Variants in PPFIA2 observed in about 807,000 individuals in gnomAD.
PPFIA2 encodes the protein PPFI scaffold protein A2.
In PPFIA2, 46 loss-of-function variants were observed where a neutral mutation model predicts 175.5. That is an observed-to-expected ratio of 0.26 (90% CI 0.21 to 0.34). The LOEUF (loss-of-function observed/expected upper bound fraction) is 0.34, where lower values mean the gene tolerates loss of function less well. Ranked by LOEUF, PPFIA2 falls within the 10% of genes least tolerant of loss-of-function variation. PPFIA2 has a pLI of 1.00. For missense variants in PPFIA2, 1,179 were observed against 1,506.1 expected, an observed-to-expected ratio of 0.78 and a Z score of 3.60; for synonymous variants, 568 against 511.4, an observed-to-expected ratio of 1.11 and a Z score of -1.49.
At chr12:81,314,717 C>T (rs945547427) in intron 22 of PPFIA2, among the ~76,000 whole-genome samples, 7 of 151,792 alleles carry the variant, frequency 4.6e-5, no homozygotes, top group Non-Finnish European at 7.4e-5. Flanking sequence ...AAATAAGAAA[C>T]AATTCATTAA....
intron 24 of PPFIA2, among the ~76,000 whole-genome samples, chr12:81,291,435 T>C (rs2044948987): frequency 6.6e-6 from 1 of 151,994 alleles, no homozygotes. Flanking sequence ...TCAACATGCT[T>C]ATTTTCCTTA....
At chr12:81,289,830 TA>T (rs1357602364) in intron 24 of PPFIA2, among the ~76,000 whole-genome samples, 2 of 151,868 alleles carry the variant, frequency 1.3e-5, no homozygotes, top group African/African-American at 2.4e-5. Flanking sequence ...AGAATGCACT[TA>T]TTTTTGTTAC....
intron 9 of PPFIA2, among the ~76,000 whole-genome samples, chr12:81,377,281 C>A (rs2036583971): frequency 6.6e-6 from 1 of 152,170 alleles, no homozygotes. Context: ...GGCGATGGCT[C>A]ACACCTGTAA....
chr12:81,545,032 T>C (rs974893657), intron 4 of PPFIA2, among the ~76,000 whole-genome samples: 1 of 151,500 alleles, frequency 6.6e-6, no homozygotes, highest in African/African-American at 2.4e-5. Context: ...ATCTGCTTTC[T>C]ATTGGTACAA....
chr12:81,658,268 C>CA (rs1318255722), intron 4 of PPFIA2, among the ~76,000 whole-genome samples: 2,378 of 114,362 alleles, frequency 0.021, 77 homozygotes, highest in African/African-American at 0.083. Context: ...AACTCCATCT[C>CA]AAAAAAAAAA....
At chr12:81,659,486 A>G (rs2068408680) in intron 4 of PPFIA2, among the ~76,000 whole-genome samples, 1 of 152,198 alleles carries the variant, frequency 6.6e-6, no homozygotes, top group Admixed American at 6.5e-5. Context: ...TCAAACTGCA[A>G]AGTGGCAATG....
intron 24 of PPFIA2, chr12:81,292,876 T>A (rs1168085454): frequency 6.6e-6 from 1 of 152,054 alleles, no homozygotes; most frequent in Non-Finnish European, 1.5e-5. Flanking sequence ...GTAAGAATTT[T>A]AAAAATTATA....
chr12:81,302,689 G>A, intron 22 of PPFIA2: 1 of 453,220 alleles, frequency 2.2e-6, no homozygotes, highest in Non-Finnish European at 4.4e-6. Flanking sequence ...CTCCAGATGT[G>A]CTTTTCCTTT....
intron 4 of PPFIA2, among the ~76,000 whole-genome samples, chr12:81,530,597 C>T (rs983543948): frequency 2.0e-5 from 3 of 151,580 alleles, no homozygotes; most frequent in African/African-American, 7.3e-5. Context: ...ACAGAAAAAC[C>T]ACTCGGAATG....
chr12:81,491,275 C>A (rs568639487), intron 4 of PPFIA2, among the ~76,000 whole-genome samples: 14 of 151,366 alleles, frequency 9.2e-5, no homozygotes, highest in East Asian at 5.9e-4. Flanking sequence ...TACTTTCAAA[C>A]CTTCTTATAT....
chr12:81,429,614 T>A (rs1311747571), intron 7 of PPFIA2, among the ~76,000 whole-genome samples: 1 of 152,084 alleles, frequency 6.6e-6, no homozygotes, highest in African/African-American at 2.4e-5. Context: ...TACTCATGGA[T>A]TTCAGAAGTT....
At chr12:81,264,686 T>C (rs2036664153) in intron 30 of PPFIA2, among the ~76,000 whole-genome samples, 2 of 152,214 alleles carry the variant, frequency 1.3e-5, no homozygotes, top group Non-Finnish European at 2.9e-5. Context: ...ATCATTTTTA[T>C]ATAATAACAT....
chr12:81,622,434 C>T lies in PPFIA2; in HGVS notation c.303+54357G>A, dbSNP rs117610540. On this transcript the variant is annotated intron_variant, in intron 4 of 32. Coordinates refer to ENST00000549396, the MANE Select transcript of PPFIA2 (RefSeq NM_003625.5). ...GCCCAGTAACTTTCAGGTTTTTTTC[C>T]TCAGCATAAGAATGAATTTTCAATT... Among the ~76,000 whole-genome samples, 772 of 151,948 alleles carry T rather than the reference C, an allele frequency of 5.1e-3. 5 individuals are homozygous for T. Among genetic ancestry groups the T allele is most frequent in the Non-Finnish European group, 8.9e-3 (607 of 67,950 alleles).
intron 21 of PPFIA2, among the ~76,000 whole-genome samples, chr12:81,330,210 G>T (rs2055820440): frequency 6.6e-6 from 1 of 152,068 alleles, no homozygotes; most frequent in African/African-American, 2.4e-5. Context: ...AACAACAAAA[G>T]ACCCTACGAA....
intron 4 of PPFIA2, among the ~76,000 whole-genome samples, chr12:81,642,792 TGTATATGTATGTATGTATTACATAC>T (rs1209040308): frequency 0.016 from 673 of 41,848 alleles, 285 homozygotes; most frequent in South Asian, 0.032. Context: ...TATACATACA[TGTATATGTATGTATGTATTACATAC>T]ATGTATATGT....
intron 3 of PPFIA2, among the ~76,000 whole-genome samples, chr12:81,739,780 T>C (rs984403629): frequency 3.3e-5 from 5 of 152,098 alleles, no homozygotes; most frequent in African/African-American, 7.2e-5. Context: ...TAGAACAAGA[T>C]AGTGTCAAAT....
intron 4 of PPFIA2, among the ~76,000 whole-genome samples, chr12:81,563,602 C>T (rs902668263): frequency 6.6e-6 from 1 of 152,212 alleles, no homozygotes; most frequent in Non-Finnish European, 1.5e-5. Context: ...AACAACCCCT[C>T]TACTCAGCAT....
chr12:81,284,013 GT>G (rs1278456025), intron 25 of PPFIA2, among the ~76,000 whole-genome samples: 1 of 151,866 alleles, frequency 6.6e-6, no homozygotes, highest in East Asian at 1.9e-4. Flanking sequence ...CTTCCTTATT[GT>G]TTGTGTACTA....
intron 30 of PPFIA2, among the ~76,000 whole-genome samples, chr12:81,264,015 T>C (rs1208224848): frequency 1.3e-5 from 2 of 152,170 alleles, no homozygotes; most frequent in Admixed American, 1.3e-4. Context: ...TAAGTACATG[T>C]GGTCTTTGGG....
Sources: gnomAD v4.1 joint callset for allele counts (sites outside exome capture counted in the v4.1 genomes callset) on GRCh38, gnomAD v4.1.1 for gene constraint, MANE v1.5 for transcripts, NCBI Gene and HGNC (gene_info 2026-07-23, HGNC 2026-07-21) for gene names.